TMEM108: variants seen among roughly 807,000 people sequenced by gnomAD.
TMEM108 encodes the protein transmembrane protein 108.
In TMEM108, 12 loss-of-function variants were observed where a neutral mutation model predicts 35.1. That is an observed-to-expected ratio of 0.34 (90% CI 0.22 to 0.55). The LOEUF is 0.55. TMEM108 is among the 20% of genes least tolerant of loss of function. The pLI, the probability that TMEM108 is intolerant of heterozygous loss-of-function variation, is 0.89. For missense variants in TMEM108, 680 were observed against 753.3 expected, an observed-to-expected ratio of 0.90 and a Z score of 1.14; for synonymous variants, 287 against 308.6, an observed-to-expected ratio of 0.93 and a Z score of 0.73.
chr3:133,328,367 C>T (rs1407760465), intron 3 of TMEM108, among the ~76,000 whole-genome samples: 2 of 152,136 alleles, frequency 1.3e-5, no homozygotes, highest in African/African-American at 2.4e-5. Flanking sequence ...ATGTAAAAGT[C>T]GGGTTGGTGA....
chr3:133,286,795 A>G (rs1372701520), intron 3 of TMEM108, among the ~76,000 whole-genome samples: 1 of 152,226 alleles, frequency 6.6e-6, no homozygotes, highest in Admixed American at 6.5e-5. Flanking sequence ...ACACCTGTAT[A>G]TCCACTGAAC....
At chr3:133,208,878 C>G (rs1239469087) in intron 2 of TMEM108, among the ~76,000 whole-genome samples, 1 of 152,186 alleles carries the variant, frequency 6.6e-6, no homozygotes, top group Non-Finnish European at 1.5e-5. Context: ...GAAACCTTGT[C>G]TTCCTACTCT....
chr3:133,348,497 G>A (rs1219594440), intron 3 of TMEM108, among the ~76,000 whole-genome samples: 3 of 152,148 alleles, frequency 2.0e-5, no homozygotes, highest in Non-Finnish European at 1.5e-5. Flanking sequence ...ATAGAGTGAA[G>A]CGGAGTGGAG....
chr3:133,189,762 C>T (rs1304875406), intron 2 of TMEM108, among the ~76,000 whole-genome samples: 1 of 152,114 alleles, frequency 6.6e-6, no homozygotes, highest in African/African-American at 2.4e-5. Context: ...ACCATTTAGA[C>T]ACATGAAGGA....
intron 2 of TMEM108, among the ~76,000 whole-genome samples, chr3:133,164,822 AT>A (rs1945013512): frequency 6.6e-6 from 1 of 152,182 alleles, no homozygotes; most frequent in African/African-American, 2.4e-5. Context: ...GAGAGGTCTC[AT>A]TTTTATTGAA....
intron 2 of TMEM108, among the ~76,000 whole-genome samples, chr3:133,087,322 A>G (rs57958880): frequency 0.015 from 2,310 of 152,194 alleles, 69 homozygotes; most frequent in African/African-American, 0.052. Context: ...GTTCTGTCCT[A>G]TTTAGATGTG....
intron 2 of TMEM108, among the ~76,000 whole-genome samples, chr3:133,110,148 C>T (rs564957608): frequency 6.6e-6 from 1 of 151,876 alleles, no homozygotes; most frequent in Admixed American, 6.6e-5. Flanking sequence ...AACAAGCAGA[C>T]AAGTAAAAAG....
intron 3 of TMEM108, among the ~76,000 whole-genome samples, chr3:133,239,914 T>A (rs1257899546): frequency 6.6e-6 from 1 of 152,216 alleles, no homozygotes; most frequent in Admixed American, 6.5e-5. Context: ...GATTAGGAAC[T>A]GTTAGAACTT....
chr3:133,395,163 T>C (rs1178791531), intron 5 of TMEM108, among the ~76,000 whole-genome samples: 2 of 152,266 alleles, frequency 1.3e-5, no homozygotes, highest in African/African-American at 4.8e-5. Context: ...TCTAGGCTTT[T>C]CTGCTCCTGC....
rs1437254898 is a variant in TMEM108 at position 133,342,544 on chromosome 3, G to GTGTATATATATA, written c.41-37207_41-37206insGTATATATATAT. Among the ~76,000 whole-genome samples the GTGTATATATATA allele has an allele frequency of 7.1e-3, 333 of 46,658 alleles. 65 individuals are homozygous for GTGTATATATATA. The highest frequency in any genetic ancestry group is 0.011 in the Non-Finnish European group (253 of 22,106). The allele number at this position is 46,658 out of a possible 152,430, so 30.6% of individuals were successfully genotyped here. A position where few individuals can be genotyped will look rare whatever the true frequency, so the allele number is the denominator to read the frequency against. On this transcript the variant is annotated intron_variant, in intron 3 of 5. Transcript: ENST00000321871. ...TAAAAAAGTTAAAAAAGAAAATGTG[G>GTGTATATATATA]TATATATATATACACACACACACAC...
Position 133,188,487 on chromosome 3 carries a change from T to G in TMEM108, c.-46-40779T>G, listed in dbSNP as rs112905147. On this transcript the variant is annotated intron_variant, in intron 2 of 5. Coordinates refer to ENST00000321871, the MANE Select transcript of TMEM108 (RefSeq NM_023943.4). ...GGAAGTGAATACGGATAATTTTTAT[T>G]TATGTTTTTGGCCACCAGTTCCAGG... Among the ~76,000 whole-genome samples the G allele has an allele frequency of 5.7e-3, 862 of 151,744 alleles. 13 individuals carry two copies. The highest frequency in any genetic ancestry group is 0.02 in the African/African-American group (828 of 41,098).
intron 3 of TMEM108, among the ~76,000 whole-genome samples, chr3:133,314,778 T>C (rs549510075): frequency 6.6e-6 from 1 of 152,334 alleles, no homozygotes; most frequent in South Asian, 2.1e-4. Flanking sequence ...TGAGTTTAGA[T>C]TTTGAAATGG....
chr3:133,189,957 T>A (rs1277121063), intron 2 of TMEM108, among the ~76,000 whole-genome samples: 1 of 152,152 alleles, frequency 6.6e-6, no homozygotes, highest in African/African-American at 2.4e-5. Flanking sequence ...TCCATGGACA[T>A]TTTGGGACCA....
intron 2 of TMEM108, among the ~76,000 whole-genome samples, chr3:133,183,982 T>C (rs577966549): frequency 5.5e-4 from 84 of 152,104 alleles, no homozygotes; most frequent in African/African-American, 2.0e-3. Flanking sequence ...TAAGGGCACA[T>C]GATGATAAGG....
intron 3 of TMEM108, among the ~76,000 whole-genome samples, chr3:133,353,560 A>G (rs1559921379): frequency 6.6e-6 from 1 of 152,196 alleles, no homozygotes; most frequent in Non-Finnish European, 1.5e-5. Context: ...GTGTGGTCAC[A>G]CGTCTCTGAC....
intron 2 of TMEM108, among the ~76,000 whole-genome samples, chr3:133,178,607 T>A (rs1418645424): frequency 6.6e-6 from 1 of 152,348 alleles, no homozygotes; most frequent in East Asian, 1.9e-4. Context: ...GCTAGCCATA[T>A]GTAGAAAGCT....
At chr3:133,349,177 T>TC (rs544908244) in intron 3 of TMEM108, among the ~76,000 whole-genome samples, 1,727 of 152,272 alleles carry the variant, frequency 0.011, 15 homozygotes, top group South Asian at 0.024. Context: ...ATACTATTTT[T>TC]CCCCTTTAAG....
At position 133,088,072 on chromosome 3, in the gene TMEM108, G is replaced by T. The variant is rs560766789; in HGVS notation, c.-47+42052G>T. On this transcript the variant is annotated intron_variant, in intron 2 of 5. Coordinates refer to ENST00000321871, the MANE Select transcript of TMEM108 (RefSeq NM_023943.4). ...CTTTAGCGTGTTCTTTATCAGTGGG[G>T]GCCGAAACATTTTAGCCTGTTATAG... is the stretch of plus-strand genomic sequence containing the variant. Among the ~76,000 whole-genome samples the T allele has an allele frequency of 3.3e-5, 5 of 152,256 alleles. No individual in the cohort carries two copies. In the South Asian group the frequency reaches 1.0e-3, roughly 32 times the overall value.
At chr3:133,161,401 C>A (rs992609537) in intron 2 of TMEM108, among the ~76,000 whole-genome samples, 1 of 152,150 alleles carries the variant, frequency 6.6e-6, no homozygotes, top group Non-Finnish European at 1.5e-5. Context: ...TCTGTACTCT[C>A]CTTAGAAAAT....
Sources: allele counts gnomAD v4.1 joint callset (sites outside exome capture counted in the v4.1 genomes callset), GRCh38; gene constraint gnomAD v4.1.1; transcripts MANE v1.5; gene names NCBI Gene and HGNC (gene_info 2026-07-23, HGNC 2026-07-21).